The following SPOCK3 variants were observed in gnomAD, a reference collection of about 807,000 sequenced individuals.
SPOCK3 encodes the protein SPARC (osteonectin), cwcv and kazal like domains proteoglycan 3, also known as testican-3.
Under a neutral mutation model 56.6 loss-of-function variants are expected in SPOCK3, and 30 were observed. That is an observed-to-expected ratio of 0.53 (90% CI 0.40 to 0.72). SPOCK3 has a LOEUF of 0.72. Ranked by LOEUF, SPOCK3 falls within the 30% of genes least tolerant of loss-of-function variation. The pLI is 0.00. For synonymous variants in SPOCK3, 196 were observed against 183.3 expected (o/e 1.07, Z -0.56); for missense variants, 527 against 530.0 (o/e 0.99, Z 0.06).
chr4:166,766,547 C>T (rs987248942), intron 7 of SPOCK3, among the ~76,000 whole-genome samples: 2 of 152,096 alleles, frequency 1.3e-5, no homozygotes, highest in South Asian at 4.1e-4. Flanking sequence ...CCAACTTGAT[C>T]GTGGTGGATA....
intron 6 of SPOCK3, among the ~76,000 whole-genome samples, chr4:166,878,517 T>C (rs1313230134): frequency 6.6e-6 from 1 of 150,878 alleles, no homozygotes; most frequent in Non-Finnish European, 1.5e-5. Context: ...TTTAAATGTA[T>C]AAAATGTATA....
At chr4:167,196,010 A>G (rs1488436518) in intron 2 of SPOCK3, among the ~76,000 whole-genome samples, 2 of 152,170 alleles carry the variant, frequency 1.3e-5, no homozygotes, top group African/African-American at 2.4e-5. Context: ...CCTCTTCTCC[A>G]TATTTAATTT....
At chr4:166,920,065 G>A (rs985958884) in intron 4 of SPOCK3, among the ~76,000 whole-genome samples, 23 of 152,140 alleles carry the variant, frequency 1.5e-4, no homozygotes, top group African/African-American at 5.5e-4. Flanking sequence ...GTAAATTGAC[G>A]GAGCTTAATT....
intron 4 of SPOCK3, among the ~76,000 whole-genome samples, chr4:166,928,786 G>A (rs1207853659): frequency 2.6e-5 from 4 of 152,082 alleles, no homozygotes; most frequent in African/African-American, 9.7e-5. Context: ...TGGCCAACAT[G>A]GTGAAGCCCC....
At chr4:166,867,823 A>C (rs969509053) in intron 6 of SPOCK3, among the ~76,000 whole-genome samples, 2 of 151,794 alleles carry the variant, frequency 1.3e-5, no homozygotes, top group South Asian at 4.2e-4. Flanking sequence ...AAAAACTGAA[A>C]TTGAGAAACA....
Position 166,773,695 on chromosome 4 carries a change from G to A in SPOCK3, c.709+18475C>T, listed in dbSNP as rs556772551. On this transcript the variant is annotated intron_variant, in intron 7 of 10. Transcript: ENST00000357545. ...TCTAGTCTACATCAGCTCTTTATGG[G>A]TGCTGATTCAATTATACTGTTTTAG... 5.3e-5 allele frequency among the ~76,000 whole-genome samples: 8 copies of A among 152,028 alleles called. No individual in the cohort carries two copies. In the South Asian group the frequency reaches 1.7e-3, roughly 32 times the overall value.
chr4:167,108,525 T>C (rs1760385872), intron 2 of SPOCK3, among the ~76,000 whole-genome samples: 1 of 151,576 alleles, frequency 6.6e-6, no homozygotes, highest in Non-Finnish European at 1.5e-5. Context: ...GAACTAGAGG[T>C]CATTATGTTA....
At chr4:166,957,610 A>G (rs1483243490) in intron 4 of SPOCK3, among the ~76,000 whole-genome samples, 1 of 152,202 alleles carries the variant, frequency 6.6e-6, no homozygotes, top group African/African-American at 2.4e-5. Flanking sequence ...TTGTGTATGC[A>G]TCACTTACTA....
intron 4 of SPOCK3, among the ~76,000 whole-genome samples, chr4:166,992,363 G>A (rs925035137): frequency 4.6e-5 from 7 of 152,096 alleles, no homozygotes; most frequent in Non-Finnish European, 7.4e-5. Context: ...CATCACCTAT[G>A]TATAATATTT....
At chr4:167,024,274 G>A (rs1751481759) in intron 3 of SPOCK3, among the ~76,000 whole-genome samples, 3 of 151,884 alleles carry the variant, frequency 2.0e-5, no homozygotes, top group Non-Finnish European at 4.4e-5. Context: ...GAAAATGACA[G>A]ATTTGCTAAA....
chr4:166,871,973 T>A (rs1279587469), intron 6 of SPOCK3, among the ~76,000 whole-genome samples: 2 of 151,238 alleles, frequency 1.3e-5, no homozygotes, highest in African/African-American at 4.8e-5. Flanking sequence ...CAAAGTTTAA[T>A]ACCCACTCTT....
At chr4:166,844,175 TAAAC>T (rs1747812016) in intron 6 of SPOCK3, among the ~76,000 whole-genome samples, 1 of 152,144 alleles carries the variant, frequency 6.6e-6, no homozygotes, top group South Asian at 2.1e-4. Flanking sequence ...CAAAAACAAA[TAAAC>T]AAAAGGTACC....
rs1734741904 is a variant in SPOCK3, at chr4:167,210,236, A to T, written c.189+23749T>A. ...AACTTTGCATGTGTAGATCCCTGTC[A>T]GGTATGCTTTCTTCCACCTGTTCAA... On this transcript the variant is annotated intron_variant, in intron 2 of 10. Transcript: ENST00000357545. 3.0e-5 allele frequency among the ~76,000 whole-genome samples: 3 copies of T among 99,596 alleles called. No individual in the cohort carries two copies. The South Asian group carries it at 9.3e-4, about 31-fold the overall frequency. 65.3% of individuals were successfully genotyped at this position (99,596 alleles called of 152,430 possible).
At chr4:166,821,735 G>A (rs571271897) in intron 6 of SPOCK3, among the ~76,000 whole-genome samples, 5 of 152,030 alleles carry the variant, frequency 3.3e-5, no homozygotes, top group African/African-American at 9.7e-5. Flanking sequence ...TGGTTGCCAG[G>A]AGATGGAGAT....
At chr4:167,078,308 C>CTGTGTGTGTGTGTG (rs3082377) in intron 2 of SPOCK3, among the ~76,000 whole-genome samples, 4 of 105,118 alleles carry the variant, frequency 3.8e-5, no homozygotes, top group East Asian at 3.2e-4. Flanking sequence ...GGTCATAACT[C>CTGTGTGTGTGTGTG]TGTGTGTGTG....
intron 4 of SPOCK3, among the ~76,000 whole-genome samples, chr4:166,958,029 G>A (rs1391259601): frequency 6.6e-6 from 1 of 152,118 alleles, no homozygotes; most frequent in Non-Finnish European, 1.5e-5. Context: ...GAATGATATA[G>A]TTTGGATGCA....
intron 4 of SPOCK3, among the ~76,000 whole-genome samples, chr4:166,925,527 G>A (rs923255742): frequency 2.6e-5 from 4 of 151,968 alleles, no homozygotes; most frequent in African/African-American, 9.7e-5. Context: ...ATAGCATTAT[G>A]ATAAATAATA....
At position 167,234,192 on chromosome 4, in the gene SPOCK3, CG is replaced by C; in HGVS notation, c.1-20del. On this transcript the variant is annotated intron_variant, in intron 1 of 10. Coordinates refer to ENST00000357545, the MANE Select transcript of SPOCK3 (RefSeq NM_001040159.2). ...TGAGCATCTGGGAGAGGAGACACAACGGGGGGTGGGGGGGCATGTCAGTGTC... is the reference window on the plus strand; with the variant it reads ...TGAGCATCTGGGAGAGGAGACACAACGGGGGTGGGGGGGCATGTCAGTGTC... 4 of 769,944 alleles carry C rather than the reference CG, an allele frequency of 5.2e-6. No homozygotes were observed. Among genetic ancestry groups the C allele is most frequent in the Middle Eastern group, 2.5e-4 (1 of 3,968 alleles). The allele number at this position is 769,944 out of a possible 1,614,324, so 47.7% of individuals were successfully genotyped here. A position where few individuals can be genotyped will look rare whatever the true frequency, so the allele number is the denominator to read the frequency against.
intron 4 of SPOCK3, among the ~76,000 whole-genome samples, chr4:166,998,719 A>G (rs76978508): frequency 0.027 from 4,042 of 152,166 alleles, 83 homozygotes; most frequent in Middle Eastern, 0.061. Context: ...AAGCTGTTAA[A>G]TGTCTGCACG....
Sources: gnomAD v4.1 joint callset for allele counts (sites outside exome capture counted in the v4.1 genomes callset) on GRCh38, gnomAD v4.1.1 for gene constraint, MANE v1.5 for transcripts, NCBI Gene and HGNC (gene_info 2026-07-23, HGNC 2026-07-21) for gene names.